Variants in DCC observed in about 807,000 individuals in gnomAD.
The protein encoded by DCC is DCC netrin 1 receptor.
A neutral mutation model predicts 172.5 loss-of-function variants in DCC; 58 were observed. That is an observed-to-expected ratio of 0.34 (90% CI 0.27 to 0.42). The LOEUF (loss-of-function observed/expected upper bound fraction) is 0.42, where lower values mean the gene tolerates loss of function less well. DCC is among the 10% of genes least tolerant of loss of function. The probability of loss-of-function intolerance (pLI) is 1.00; values close to 1 mark genes in which losing one functional copy is unlikely to be tolerated. For missense variants in DCC, 1,740 were observed against 1,791.0 expected, an observed-to-expected ratio of 0.97 and a Z score of 0.51; for synonymous variants, 709 against 644.5, an observed-to-expected ratio of 1.10 and a Z score of -1.52.
intron 1 of DCC, among the ~76,000 whole-genome samples, chr18:52,359,899 A>G (rs1363041302): frequency 1.3e-5 from 2 of 152,176 alleles, no homozygotes; most frequent in Non-Finnish European, 2.9e-5. Flanking sequence ...TGAGACACCA[A>G]AAAGTTGGCC....
intron 15 of DCC, among the ~76,000 whole-genome samples, chr18:53,344,087 C>T (rs1289467823): frequency 1.3e-5 from 2 of 151,936 alleles, no homozygotes; most frequent in Non-Finnish European, 2.9e-5. Flanking sequence ...TTTGACATTA[C>T]TAACTTTTCT....
intron 1 of DCC, among the ~76,000 whole-genome samples, chr18:52,528,433 C>A (rs1327076395): frequency 6.6e-6 from 1 of 151,964 alleles, no homozygotes; most frequent in African/African-American, 2.4e-5. Context: ...GAATTTTGAC[C>A]ATATTTCTGA....
intron 22 of DCC, among the ~76,000 whole-genome samples, chr18:53,446,330 G>T (rs1912611124): frequency 6.6e-6 from 1 of 152,004 alleles, no homozygotes; most frequent in East Asian, 1.9e-4. Flanking sequence ...AATGTCTAAC[G>T]AGTGCCAACT....
At chr18:53,090,732 A>AAAAAAAAAAAAAATAAT (rs1568298492) in intron 7 of DCC, among the ~76,000 whole-genome samples, 2 of 129,078 alleles carry the variant, frequency 1.5e-5, no homozygotes, top group Non-Finnish European at 3.3e-5. Context: ...AAAAAAAAAA[A>AAAAAAAAAAAAAATAAT]AAGAATGTAT....
chr18:53,034,597 G>A (rs2042067308), intron 5 of DCC, among the ~76,000 whole-genome samples: 1 of 151,888 alleles, frequency 6.6e-6, no homozygotes, highest in Non-Finnish European at 1.5e-5. Context: ...CCTCTCAGCT[G>A]ATCTCCTTAT....
At chr18:52,837,293 A>G (rs1275494197) in intron 2 of DCC, among the ~76,000 whole-genome samples, 1 of 152,120 alleles carries the variant, frequency 6.6e-6, no homozygotes, top group African/African-American at 2.4e-5. Context: ...ACTTAGGCAA[A>G]TTTCCATGGC....
rs758790599 is a variant in DCC, at chr18:53,530,591, C to A, written c.4282C>A (p.Gln1428Lys). The change falls in exon 29 of 29, where the codon CAA becomes AAA. Residue 1428 changes from glutamine to lysine, a missense_variant. Transcript: ENST00000442544. ...NVYEQDDLSEQMASLEGLMKQ... is the reference protein window; with the variant it reads ...NVYEQDDLSEKMASLEGLMKQ... ...GTATGAACAGGATGATCTGAGTGAA[C>A]AAATGGCAAGTTTGGAAGGACTCAT... 3.1e-5 allele frequency: 50 copies of A among 1,595,906 alleles called. No homozygotes were observed. Among genetic ancestry groups the A allele is most frequent in the Non-Finnish European group, 4.2e-5 (49 of 1,163,526 alleles).
At chr18:52,853,513 C>A (rs2039008453) in intron 2 of DCC, among the ~76,000 whole-genome samples, 1 of 152,170 alleles carries the variant, frequency 6.6e-6, no homozygotes, top group Non-Finnish European at 1.5e-5. Context: ...GTTCTGATTT[C>A]ATCAGGAAAA....
At chr18:52,590,423 TA>T (rs991400476) in intron 1 of DCC, among the ~76,000 whole-genome samples, 3 of 152,168 alleles carry the variant, frequency 2.0e-5, no homozygotes, top group Admixed American at 2.0e-4. Flanking sequence ...AAAAAAAGTA[TA>T]AAAAACATTT....
chr18:52,981,815 G>A (rs2041215033), intron 5 of DCC, among the ~76,000 whole-genome samples: 1 of 152,046 alleles, frequency 6.6e-6, no homozygotes, highest in Admixed American at 6.6e-5. Context: ...CACATCAAAA[G>A]ATAATTATCA....
chr18:52,988,457 A>G (rs1326453017), intron 5 of DCC, among the ~76,000 whole-genome samples: 1 of 152,116 alleles, frequency 6.6e-6, no homozygotes, highest in Admixed American at 6.5e-5. Context: ...GATGCTCTAT[A>G]AGAGAAATTC....
At position 53,428,474 on chromosome 18, in the gene DCC, A is replaced by AATATG. The variant is rs1351221253; in HGVS notation, c.3164-6670_3164-6669insATATG. 1.4e-4 allele frequency among the ~76,000 whole-genome samples: 8 copies of AATATG among 58,588 alleles called. 1 individual carries two copies. Among genetic ancestry groups the AATATG allele is most frequent in the African/African-American group, 4.3e-4 (8 of 18,772 alleles). 38.4% of individuals were successfully genotyped at this position (58,588 alleles called of 152,430 possible). On this transcript the variant is annotated intron_variant, in intron 21 of 28. Coordinates refer to ENST00000442544, the MANE Select transcript of DCC (RefSeq NM_005215.4). Reference sequence around the variant, plus strand: ...TTATTTTATATATATTATATAATATATAATATATATTTTTTATATATTTAT... The same window carrying AATATG: ...TTATTTTATATATATTATATAATATAATATGTAATATATATTTTTTATATATTTAT...
At chr18:53,342,724 T>A (rs1008052213) in intron 15 of DCC, among the ~76,000 whole-genome samples, 1 of 135,976 alleles carries the variant, frequency 7.4e-6, no homozygotes, top group Non-Finnish European at 1.6e-5. Flanking sequence ...ATATTAGAAA[T>A]ACCCAAATAT....
chr18:53,501,302 C>T (rs190515935), intron 27 of DCC, among the ~76,000 whole-genome samples: 5 of 152,214 alleles, frequency 3.3e-5, no homozygotes, highest in Admixed American at 3.3e-4. Context: ...AACTGAGACA[C>T]AGAGAATTTA....
At chr18:53,017,595 A>G (rs1471629489) in intron 5 of DCC, among the ~76,000 whole-genome samples, 1 of 152,202 alleles carries the variant, frequency 6.6e-6, no homozygotes, top group Non-Finnish European at 1.5e-5. Context: ...TATATTCATG[A>G]TATTCAAGGG....
chr18:52,661,428 G>A (rs111459713), intron 1 of DCC, among the ~76,000 whole-genome samples: 21 of 152,320 alleles, frequency 1.4e-4, no homozygotes, highest in South Asian at 4.1e-4. Flanking sequence ...AGAGTGGGGC[G>A]AAAAATTGTA....
At chr18:52,895,140 A>G (rs1423614129) in intron 2 of DCC, among the ~76,000 whole-genome samples, 1 of 152,202 alleles carries the variant, frequency 6.6e-6, no homozygotes, top group Non-Finnish European at 1.5e-5. Flanking sequence ...TACCAACTTA[A>G]AGAGTTTGCT....
At chr18:53,090,238 G>C (rs931455694) in intron 7 of DCC, among the ~76,000 whole-genome samples, 4 of 152,116 alleles carry the variant, frequency 2.6e-5, no homozygotes, top group Non-Finnish European at 5.9e-5. Flanking sequence ...TTTCTTTAAA[G>C]GCAAATAGTT....
At chr18:52,707,070 C>T (rs1167752292) in intron 1 of DCC, among the ~76,000 whole-genome samples, 2 of 152,166 alleles carry the variant, frequency 1.3e-5, no homozygotes, top group African/African-American at 4.8e-5. Flanking sequence ...AAGTAATACC[C>T]TTCAGTAAAC....
Sources: gnomAD v4.1 joint callset for allele counts (sites outside exome capture counted in the v4.1 genomes callset) on GRCh38, gnomAD v4.1.1 for gene constraint, MANE v1.5 for transcripts, NCBI Gene and HGNC (gene_info 2026-07-23, HGNC 2026-07-21) for gene names.